ARHGAP8: variants seen among roughly 807,000 people sequenced by gnomAD.
The protein encoded by ARHGAP8 is Rho GTPase activating protein 8.
Under a neutral mutation model 46.1 loss-of-function variants are expected in ARHGAP8, and 62 were observed. The ratio of observed to expected loss-of-function variants is 1.34; its 90% CI spans 1.10 to 1.66. The LOEUF (loss-of-function observed/expected upper bound fraction) is 1.66, where lower values mean the gene tolerates loss of function less well. Ranked by LOEUF, ARHGAP8 falls within the 40% of genes most tolerant of loss-of-function variation. The pLI, the probability that ARHGAP8 is intolerant of heterozygous loss-of-function variation, is 0.00. For missense variants in ARHGAP8, 923 were observed against 568.4 expected, an observed-to-expected ratio of 1.62 and a Z score of -6.34; for synonymous variants, 375 against 243.1, an observed-to-expected ratio of 1.54 and a Z score of -5.05.
chr22:44,824,783 C>T (rs1930393399), intron 6 of ARHGAP8, among the ~76,000 whole-genome samples: 1 of 151,994 alleles, frequency 6.6e-6, no homozygotes, highest in African/African-American at 2.4e-5. Flanking sequence ...CAGGTGTGCA[C>T]AACCATGCCC....
intron 1 of ARHGAP8, among the ~76,000 whole-genome samples, chr22:44,776,308 C>T (rs533001786): frequency 2.6e-5 from 4 of 152,162 alleles, no homozygotes; most frequent in East Asian, 1.9e-4. Context: ...AAAAATTAGC[C>T]GAGCATGGTG....
intron 1 of ARHGAP8, among the ~76,000 whole-genome samples, chr22:44,768,125 T>C (rs1925725830): frequency 1.4e-5 from 2 of 144,236 alleles, no homozygotes; most frequent in African/African-American, 5.2e-5. Context: ...GCCTCCTGAG[T>C]AACTGGTATT....
intron 11 of ARHGAP8, among the ~76,000 whole-genome samples, chr22:44,860,846 C>A (rs980251669): frequency 3.9e-5 from 6 of 152,188 alleles, no homozygotes; most frequent in African/African-American, 1.2e-4. Flanking sequence ...TCTCTCCAGG[C>A]CTTCGCCCCA....
At chr22:44,861,334 A>C (rs1292200140) in intron 11 of ARHGAP8, among the ~76,000 whole-genome samples, 1 of 152,120 alleles carries the variant, frequency 6.6e-6, no homozygotes, top group Non-Finnish European at 1.5e-5. Flanking sequence ...ATGGGCACCG[A>C]TGTGAATGCA....
intron 2 of ARHGAP8, among the ~76,000 whole-genome samples, chr22:44,787,708 C>G (rs973231249): frequency 2.0e-5 from 3 of 152,062 alleles, no homozygotes; most frequent in African/African-American, 7.2e-5. Context: ...CCAACCCTCA[C>G]GTTGATGTCC....
Position 44,858,372 on chromosome 22 carries a change from T to TTC in ARHGAP8, c.878-1358_878-1357insCT, listed in dbSNP as rs1482530559. On this transcript the variant is annotated intron_variant, in intron 10 of 11. Coordinates refer to ENST00000356099, the MANE Select transcript of ARHGAP8 (RefSeq NM_181335.3). The stretch of plus-strand genomic sequence containing the variant: ...GAATACTTGTTGGTTGGTGGTGGTT[T>TTC]TTTTTTTTTTTTGAGATGGAGTTTC... 4.6e-3 allele frequency among the ~76,000 whole-genome samples: 513 copies of TTC among 110,704 alleles called. 8 individuals are homozygous for TTC. Among genetic ancestry groups the TTC allele is most frequent in the African/African-American group, 0.015 (487 of 32,848 alleles). The allele number at this position is 110,704 out of a possible 152,430, so 72.6% of individuals were successfully genotyped here. A position where few individuals can be genotyped will look rare whatever the true frequency, so the allele number is the denominator to read the frequency against.
chr22:44,805,820 G>A (rs943386574), intron 3 of ARHGAP8, among the ~76,000 whole-genome samples: 7 of 152,286 alleles, frequency 4.6e-5, no homozygotes, highest in East Asian at 1.9e-4. Context: ...CATTCCAACC[G>A]GATGGCTTTC....
intron 3 of ARHGAP8, among the ~76,000 whole-genome samples, chr22:44,802,783 C>T (rs774451972): frequency 1.6e-4 from 25 of 152,252 alleles, no homozygotes; most frequent in Non-Finnish European, 3.1e-4. Flanking sequence ...ATCTCTGCCT[C>T]GGTCTTCACA....
chr22:44,791,504 G>A (rs2147059110), intron 2 of ARHGAP8, among the ~76,000 whole-genome samples: 1 of 152,218 alleles, frequency 6.6e-6, no homozygotes, highest in South Asian at 2.1e-4. Context: ...AGGAGTTCGA[G>A]ACCAGCCTGA....
At chr22:44,776,330 T>A (rs879402574) in intron 1 of ARHGAP8, among the ~76,000 whole-genome samples, 6 of 152,064 alleles carry the variant, frequency 3.9e-5, no homozygotes, top group Admixed American at 3.9e-4. Context: ...CGGGTACCTG[T>A]AATCCCAGCT....
intron 2 of ARHGAP8, among the ~76,000 whole-genome samples, chr22:44,793,746 A>G (rs1011078213): frequency 6.6e-6 from 1 of 152,202 alleles, no homozygotes; most frequent in African/African-American, 2.4e-5. Context: ...GGGGAGAAAC[A>G]GGGGTCATGA....
chr22:44,833,273 G>C (rs940593286), intron 7 of ARHGAP8, among the ~76,000 whole-genome samples: 9 of 151,778 alleles, frequency 5.9e-5, no homozygotes, highest in Non-Finnish European at 1.3e-4. Context: ...ATTTTTAAAT[G>C]TGTTTAGTAG....
At chr22:44,797,409 T>G (rs1420163953) in intron 2 of ARHGAP8, among the ~76,000 whole-genome samples, 1 of 151,982 alleles carries the variant, frequency 6.6e-6, no homozygotes, top group Non-Finnish European at 1.5e-5. Flanking sequence ...GCCTCCGCGG[T>G]GGTAGACACT....
At chr22:44,825,286 A>G (rs566089003) in intron 6 of ARHGAP8, among the ~76,000 whole-genome samples, 197 bp from the exon 7 acceptor site, 42 of 152,066 alleles carry the variant, frequency 2.8e-4, no homozygotes, top group African/African-American at 9.6e-4. Context: ...ACTGCCTCTT[A>G]TGCGAACAGC....
chr22:44,862,605 C>T lies in ARHGAP8; in HGVS notation c.*10C>T. The T allele has an allele frequency of 6.5e-7, 1 of 1,544,292 alleles. No individual in the cohort carries two copies. Among genetic ancestry groups the T allele is most frequent in the Non-Finnish European group, 8.7e-7 (1 of 1,143,146 alleles). On this transcript the variant is annotated 3_prime_UTR_variant, in exon 12 of 12. Coordinates refer to ENST00000356099, the MANE Select transcript of ARHGAP8 (RefSeq NM_181335.3). ...CAGAAGACGTCTCTAGTGTTGCGAA[C>T]ACTCTGTATATTTCGAGCTACCTCC...
rs1358104223 is a variant in ARHGAP8, at chr22:44,786,485, T to G, written c.-43T>G. On this transcript the variant is annotated 5_prime_UTR_variant, in exon 2 of 12. Coordinates refer to ENST00000356099, the MANE Select transcript of ARHGAP8 (RefSeq NM_181335.3). ...TGCAGAGAGACAAGGCGGCGGCGGCTGCTGTGCTGGGTGCAGTGAGGAAGA... is the reference window on the plus strand; with the variant it reads ...TGCAGAGAGACAAGGCGGCGGCGGCGGCTGTGCTGGGTGCAGTGAGGAAGA... 3.1e-6 allele frequency: 5 copies of G among 1,610,772 alleles called. No individual in the cohort carries two copies. The highest frequency in any genetic ancestry group is 1.3e-5 in the African/African-American group (1 of 74,804).
intron 1 of ARHGAP8, among the ~76,000 whole-genome samples, chr22:44,758,554 T>C (rs1924871286): frequency 6.6e-6 from 1 of 151,992 alleles, no homozygotes; most frequent in South Asian, 2.1e-4. Context: ...CTTTAGCCAA[T>C]GATGATAATA....
intron 5 of ARHGAP8, among the ~76,000 whole-genome samples, chr22:44,816,080 G>C (rs1447581907): frequency 1.3e-5 from 2 of 152,128 alleles, no homozygotes. Flanking sequence ...ATCCCTGGAG[G>C]GGTCGTCATT....
Position 44,821,429 on chromosome 22 carries a change from G to GGAA in ARHGAP8, c.387-942_387-941insGAA, listed in dbSNP as rs136660. ...GGGTGACAGAGCGAGACTCCATCTC[G>GGAA]AAAAAAAAAAAGTTGTATATCTTAA... On this transcript the variant is annotated intron_variant, in intron 5 of 11. Transcript: ENST00000356099. Among the ~76,000 whole-genome samples, 129 of 149,676 alleles carry GGAA rather than the reference G, an allele frequency of 8.6e-4. 1 individual carries two copies. The highest frequency in any genetic ancestry group is 3.5e-3 in the Middle Eastern group (1 of 286).
Sources: allele counts gnomAD v4.1 joint callset (sites outside exome capture counted in the v4.1 genomes callset), GRCh38; gene constraint gnomAD v4.1.1; transcripts MANE v1.5; gene names NCBI Gene and HGNC (gene_info 2026-07-23, HGNC 2026-07-21).